Variants in TRAPPC11 observed in about 807,000 individuals in gnomAD.
TRAPPC11 encodes the protein foie gras homolog.
TRAPPC11 carries 104 observed loss-of-function variants against 151.2 expected under a neutral mutation model. That is an observed-to-expected ratio of 0.69 (90% CI 0.59 to 0.81). The LOEUF (loss-of-function observed/expected upper bound fraction) is 0.81. Ranked by LOEUF, TRAPPC11 falls within the 30% of genes least tolerant of loss-of-function variation. TRAPPC11 has a pLI of 0.00. For synonymous variants in TRAPPC11, 456 were observed against 472.3 expected (o/e 0.97, Z 0.45); for missense variants, 1,230 against 1,349.6 (o/e 0.91, Z 1.39).
intron 8 of TRAPPC11, 119 bp downstream of exon 8, chr4:183,677,673 T>C (rs1322568443): frequency 3.1e-6 from 2 of 645,892 alleles, no homozygotes; most frequent in Non-Finnish European, 5.5e-6. Flanking sequence ...TTAATTATGA[T>C]CTCCCCTTTT....
At chr4:183,676,552 C>A (rs750797299) in intron 7 of TRAPPC11, among the ~76,000 whole-genome samples, 5 of 152,182 alleles carry the variant, frequency 3.3e-5, no homozygotes, top group Non-Finnish European at 5.9e-5. Context: ...AAGTTATGAA[C>A]AAACTTTTTC....
At chr4:183,703,422 A>AT (rs902085718) in intron 26 of TRAPPC11, among the ~76,000 whole-genome samples, 5 of 152,118 alleles carry the variant, frequency 3.3e-5, no homozygotes, top group Admixed American at 6.5e-5. Context: ...GTTTAGTTTT[A>AT]TTTTTTTGTT....
intron 29 of TRAPPC11, among the ~76,000 whole-genome samples, chr4:183,712,256 A>G (rs1737371231): frequency 6.6e-6 from 1 of 152,228 alleles, no homozygotes; most frequent in Non-Finnish European, 1.5e-5. Flanking sequence ...GTTCCATTCC[A>G]CATGTGGGAG....
chr4:183,683,640 A>C lies in TRAPPC11; in HGVS notation c.1208-335A>C, dbSNP rs180780051. 2.5e-3 allele frequency among the ~76,000 whole-genome samples: 381 copies of C among 152,344 alleles called. 1 individual carries two copies. Among genetic ancestry groups the C allele is most frequent in the African/African-American group, 8.1e-3 (337 of 41,570 alleles). ...TGTACCGCTGCACTCCAGCCTGGGC[A>C]ACAGAGTGAGATCCCGTCTCAAAAA... On this transcript the variant is annotated intron_variant, in intron 11 of 29. Coordinates refer to ENST00000334690, the MANE Select transcript of TRAPPC11 (RefSeq NM_021942.6).
At position 183,684,579 on chromosome 4, in the gene TRAPPC11, C is replaced by A. The variant is rs533406229; in HGVS notation, c.1422-117C>A. On this transcript the variant is annotated intron_variant, in intron 14 of 29. Coordinates refer to ENST00000334690, the MANE Select transcript of TRAPPC11 (RefSeq NM_021942.6). ...CTAAATATGAGAATACCTGTTCAAC[C>A]ATCTCAGTAAGATTTTTCTATACTT... 10 of 1,174,480 alleles carry A rather than the reference C, an allele frequency of 8.5e-6. No homozygotes were observed. In the South Asian group the frequency reaches 1.4e-4, roughly 16 times the overall value. 72.8% of individuals were successfully genotyped at this position (1,174,480 alleles called of 1,614,324 possible). A position where few individuals can be genotyped will look rare whatever the true frequency, so the allele number is the denominator to read the frequency against.
chr4:183,682,243 T>G (rs1735735192), intron 10 of TRAPPC11, among the ~76,000 whole-genome samples: 3 of 152,166 alleles, frequency 2.0e-5, no homozygotes, highest in African/African-American at 4.8e-5. Context: ...ACGTTTTGGT[T>G]TCAGAGGGAA....
chr4:183,694,820 T>C, intron 23 of TRAPPC11, 97 bp downstream of exon 23: 3 of 1,219,450 alleles, frequency 2.5e-6, no homozygotes, highest in Non-Finnish European at 3.5e-6. Flanking sequence ...AAATAAGCAG[T>C]TTAGGTGCTT....
At chr4:183,706,096 A>ACG in intron 27 of TRAPPC11, 1 of 150,502 alleles carries the variant, frequency 6.6e-6, no homozygotes, top group African/African-American at 2.5e-5. Flanking sequence ...ACACACACAC[A>ACG]CACCCACCAA....
chr4:183,665,357 G>A (rs11132203), intron 2 of TRAPPC11, among the ~76,000 whole-genome samples: 151,720 of 152,164 alleles, frequency 1, 75,640 homozygotes, highest in Middle Eastern at 1. Context: ...GCCTCCCAAA[G>A]TGCTGGGATT....
intron 10 of TRAPPC11, 101 bp downstream of exon 10, chr4:183,680,368 A>C (rs1465637562): frequency 6.2e-6 from 8 of 1,295,934 alleles, no homozygotes; most frequent in Admixed American, 5.4e-5. Context: ...CAAGTCTTTA[A>C]ATTTAATTAG....
intron 4 of TRAPPC11, 54 bp from the exon 5 acceptor site, chr4:183,667,949 G>A (rs1417199655): frequency 2.7e-6 from 3 of 1,129,942 alleles, no homozygotes; most frequent in Non-Finnish European, 1.3e-6. Context: ...ATTTATTTGG[G>A]AAGCTACATT....
At position 183,684,679 on chromosome 4, in the gene TRAPPC11, A is replaced by G. The variant is rs888536299; in HGVS notation, c.1422-17A>G. ...TCTTGTGAAGCCGGTTCAGTATTACATTTTGTCTTCTTTGAGGTTGCTGGA... is the reference window on the plus strand; with the variant it reads ...TCTTGTGAAGCCGGTTCAGTATTACGTTTTGTCTTCTTTGAGGTTGCTGGA... On this transcript the variant is annotated splice_polypyrimidine_tract_variant and intron_variant, in intron 14 of 29. Transcript: ENST00000334690. The G allele has an allele frequency of 1.6e-5, 25 of 1,612,906 alleles. No homozygotes were observed. Among genetic ancestry groups the G allele is most frequent in the Non-Finnish European group, 2.1e-5 (25 of 1,179,536 alleles).
intron 10 of TRAPPC11, 78 bp from the exon 11 acceptor site, chr4:183,682,654 T>C (rs751408899): frequency 3.1e-5 from 24 of 786,048 alleles, no homozygotes; most frequent in Non-Finnish European, 4.3e-5. Context: ...AACTTTTTTG[T>C]TCAGTCAAAG....
chr4:183,688,705 C>T (rs1214116022), intron 18 of TRAPPC11, among the ~76,000 whole-genome samples: 2 of 151,854 alleles, frequency 1.3e-5, no homozygotes, highest in African/African-American at 4.8e-5. Flanking sequence ...TCCTCTAATC[C>T]GTTTGAGAAT....
chr4:183,682,754 C>T lies in TRAPPC11; in HGVS notation c.1136C>T (p.Pro379Leu). 4 of 1,613,312 alleles carry T rather than the reference C, an allele frequency of 2.5e-6. No individual in the cohort carries two copies. Among genetic ancestry groups the T allele is most frequent in the Non-Finnish European group, 3.4e-6 (4 of 1,179,392 alleles). ...CAGGCTTCTGTAATGTATCCCAATCCTGATCCCTTAGAAACACAAACAGGC... is the reference window on the plus strand; with the variant it reads ...CAGGCTTCTGTAATGTATCCCAATCTTGATCCCTTAGAAACACAAACAGGC... Reference protein sequence around the residue: ...NHEASVMYPNPDPLETQTGVL... With the variant: ...NHEASVMYPNLDPLETQTGVL... Residue 379 changes from proline (P) to leucine (L), a missense_variant, in exon 11 of 30, where the codon CCT (proline) becomes CTT (leucine). By Grantham distance (98) the Pro-to-Leu change is moderately conservative (BLOSUM62 -3). Transcript: ENST00000334690.
intron 26 of TRAPPC11, among the ~76,000 whole-genome samples, chr4:183,704,681 C>T (rs1048700503): frequency 4.2e-4 from 64 of 151,964 alleles, no homozygotes; most frequent in Admixed American, 3.1e-3. Flanking sequence ...GGCGTGGTGG[C>T]GGGCGCCTGT....
At chr4:183,699,485 C>T (rs181831727) in intron 25 of TRAPPC11, among the ~76,000 whole-genome samples, 301 of 152,272 alleles carry the variant, frequency 2.0e-3, no homozygotes, top group Admixed American at 4.8e-3. Flanking sequence ...ATCTTCATAT[C>T]GCTAGCATCA....
At chr4:183,693,290 C>G (rs1736351109) in intron 20 of TRAPPC11, 143 bp downstream of exon 20, 5 of 827,484 alleles carry the variant, frequency 6.0e-6, no homozygotes, top group Non-Finnish European at 9.0e-6. Context: ...CACCTGAGCT[C>G]AAACCATCCT....
Position 183,684,290 on chromosome 4 carries a change from T to G in TRAPPC11, c.1367-15T>G. 6.2e-7 allele frequency: 1 copy of G among 1,613,578 alleles called. No individual in the cohort carries two copies. Among genetic ancestry groups the G allele is most frequent in the Non-Finnish European group, 8.5e-7 (1 of 1,179,574 alleles). The stretch of plus-strand genomic sequence containing the variant: ...GACTTTAAGTTACATACATAAATCT[T>G]TTTTTCCTTTATAGTGGTTCAGATG... On this transcript the variant is annotated splice_polypyrimidine_tract_variant and intron_variant, in intron 13 of 29. Coordinates refer to ENST00000334690, the MANE Select transcript of TRAPPC11 (RefSeq NM_021942.6).
Sources: allele counts gnomAD v4.1 joint callset (sites outside exome capture counted in the v4.1 genomes callset), GRCh38; gene constraint gnomAD v4.1.1; transcripts MANE v1.5; gene names NCBI Gene and HGNC (gene_info 2026-07-23, HGNC 2026-07-21).